The following CMKLR2 variants were observed in gnomAD, a reference collection of about 807,000 sequenced individuals.
CMKLR2 encodes the protein chemerin chemokine-like receptor 2, also known as chemerin-like receptor 2.
In CMKLR2, 18 loss-of-function variants were observed where a neutral mutation model predicts 23.0. The ratio of observed to expected loss-of-function variants is 0.78; its 90% CI spans 0.54 to 1.16. CMKLR2 has a LOEUF of 1.16. Ranked by LOEUF, CMKLR2 falls within the 50% of genes most tolerant of loss-of-function variation. CMKLR2 has a pLI of 0.00. For synonymous variants in CMKLR2, 158 were observed against 158.9 expected (o/e 0.99, Z 0.05); for missense variants, 401 against 412.7 (o/e 0.97, Z 0.25).
chr2:206,212,737 A>G (rs1442343026), intron 1 of CMKLR2, among the ~76,000 whole-genome samples: 2 of 152,232 alleles, frequency 1.3e-5, no homozygotes, highest in East Asian at 3.8e-4. Flanking sequence ...AGGCAACAAC[A>G]ACAAACAAAT....
At chr2:206,207,804 G>A (rs6705777) in intron 1 of CMKLR2, among the ~76,000 whole-genome samples, 112,679 of 143,562 alleles carry the variant, frequency 0.78, 44,341 homozygotes, top group Non-Finnish European at 0.82. Flanking sequence ...GTACAATGGC[G>A]TGTTCTCGGC....
chr2:206,178,280 CT>C (rs1688295850), intron 1 of CMKLR2, among the ~76,000 whole-genome samples: 2 of 152,014 alleles, frequency 1.3e-5, no homozygotes, highest in African/African-American at 4.8e-5. Context: ...AAATTTTTTC[CT>C]GAAAAATCTG....
At chr2:206,208,371 G>A (rs536634417) in intron 1 of CMKLR2, among the ~76,000 whole-genome samples, 9 of 151,978 alleles carry the variant, frequency 5.9e-5, no homozygotes, top group African/African-American at 1.9e-4. Context: ...TGAGACCTCC[G>A]TCTCTACAAA....
rs570422636 is a variant in CMKLR2, at chr2:206,184,326, C to T, written c.-28-7051G>A. Among the ~76,000 whole-genome samples the T allele has an allele frequency of 1.3e-4, 19 of 146,676 alleles. No homozygotes were observed. In the South Asian group the frequency reaches 2.4e-3, roughly 18 times the overall value. On this transcript the variant is annotated intron_variant, in intron 1 of 1. Coordinates refer to ENST00000621141, the MANE Select transcript of CMKLR2 (RefSeq NM_001389445.1). ...TTTTTTTTTTTTTTAAGACAGGTTTCGCTCTTGTTGCCTAGGCTTGAGTGC... is the reference window on the plus strand; with the variant it reads ...TTTTTTTTTTTTTTAAGACAGGTTTTGCTCTTGTTGCCTAGGCTTGAGTGC...
intron 1 of CMKLR2, among the ~76,000 whole-genome samples, chr2:206,206,121 C>G (rs1689308576): frequency 6.6e-6 from 1 of 152,172 alleles, no homozygotes. Flanking sequence ...CCATATTTAT[C>G]TGTGAAATAC....
intron 1 of CMKLR2, among the ~76,000 whole-genome samples, chr2:206,210,750 C>T (rs554582329): frequency 9.2e-5 from 14 of 152,250 alleles, no homozygotes; most frequent in East Asian, 1.9e-4. Context: ...CATGAGCCAC[C>T]GTGCCCGGCC....
At chr2:206,213,030 G>A (rs987992440) in intron 1 of CMKLR2, among the ~76,000 whole-genome samples, 1 of 152,042 alleles carries the variant, frequency 6.6e-6, no homozygotes, top group African/African-American at 2.4e-5. Flanking sequence ...TTCTTTGTCC[G>A]CCCACCCCAG....
At chr2:206,202,673 C>T (rs1008339865) in intron 1 of CMKLR2, among the ~76,000 whole-genome samples, 5 of 151,634 alleles carry the variant, frequency 3.3e-5, no homozygotes, top group African/African-American at 1.2e-4. Context: ...CCAGGGCGCC[C>T]GCCTCATTCG....
At chr2:206,185,130 G>A (rs1688540115) in intron 1 of CMKLR2, among the ~76,000 whole-genome samples, 1 of 152,098 alleles carries the variant, frequency 6.6e-6, no homozygotes, top group African/African-American at 2.4e-5. Flanking sequence ...GGGATTACAG[G>A]CGTGAGCCAC....
At chr2:206,209,339 C>CAAA (rs112877056) in intron 1 of CMKLR2, among the ~76,000 whole-genome samples, 6 of 117,392 alleles carry the variant, frequency 5.1e-5, no homozygotes, top group East Asian at 2.4e-4. Context: ...ACTCTGTCTC[C>CAAA]AAAAAAAAAA....
chr2:206,200,618 A>G (rs138943801), intron 1 of CMKLR2, among the ~76,000 whole-genome samples: 3 of 152,240 alleles, frequency 2.0e-5, no homozygotes, highest in South Asian at 2.1e-4. Flanking sequence ...AACATAACAC[A>G]AGCACTTTTC....
intron 1 of CMKLR2, among the ~76,000 whole-genome samples, chr2:206,181,287 T>C (rs998931831): frequency 6.6e-6 from 1 of 152,104 alleles, no homozygotes; most frequent in African/African-American, 2.4e-5. Flanking sequence ...CTTGATCTCC[T>C]GACCTCAAGT....
intron 1 of CMKLR2, among the ~76,000 whole-genome samples, chr2:206,184,655 C>CT (rs1425094280): frequency 5.3e-5 from 8 of 151,744 alleles, no homozygotes; most frequent in Admixed American, 5.3e-4. Flanking sequence ...TTCAACATAT[C>CT]TTTTTTTTGG....
chr2:206,217,141 A>G (rs186958636), upstream of CMKLR2, among the ~76,000 whole-genome samples: 24 of 152,380 alleles, frequency 1.6e-4, no homozygotes, highest in Non-Finnish European at 2.5e-4. Flanking sequence ...GAGATATACA[A>G]AAGGACACTT....
chr2:206,186,836 G>A (rs1461015052), intron 1 of CMKLR2, among the ~76,000 whole-genome samples: 2 of 149,488 alleles, frequency 1.3e-5, no homozygotes, highest in African/African-American at 2.5e-5. Context: ...TGTCACCCAG[G>A]CTGGAGAGCA....
intron 1 of CMKLR2, chr2:206,203,409 C>CCCAGCTT: frequency 6.6e-6 from 1 of 151,896 alleles, no homozygotes; most frequent in East Asian, 1.9e-4. Flanking sequence ...CAGCCCGCTT[C>CCCAGCTT]CCAGCTTCCA....
At chr2:206,204,938 A>G (rs544176113) in intron 1 of CMKLR2, among the ~76,000 whole-genome samples, 1 of 152,302 alleles carries the variant, frequency 6.6e-6, no homozygotes, top group African/African-American at 2.4e-5. Flanking sequence ...ATTTGTGTAG[A>G]TTAGTTCATT....
chr2:206,178,902 G>A (rs1010823568), intron 1 of CMKLR2, among the ~76,000 whole-genome samples: 6 of 151,894 alleles, frequency 4.0e-5, no homozygotes, highest in Admixed American at 3.9e-4. Context: ...ACCCATCTCA[G>A]CCTCCCAAAG....
At chr2:206,199,243 A>C (rs1689014361) in intron 1 of CMKLR2, among the ~76,000 whole-genome samples, 1 of 152,158 alleles carries the variant, frequency 6.6e-6, no homozygotes, top group Non-Finnish European at 1.5e-5. Context: ...CTAAAAATAC[A>C]AAAAATTAGC....
Sources: allele counts gnomAD v4.1 joint callset (sites outside exome capture counted in the v4.1 genomes callset), GRCh38; gene constraint gnomAD v4.1.1; transcripts MANE v1.5; gene names NCBI Gene and HGNC (gene_info 2026-07-23, HGNC 2026-07-21).